RANBP2: variants seen among roughly 807,000 people sequenced by gnomAD.
RANBP2 encodes the protein RAN binding protein 2.
A neutral mutation model predicts 303.6 loss-of-function variants in RANBP2; 57 were observed. The observed-to-expected ratio is 0.19, with a 90% CI of 0.15 to 0.23. The LOEUF is 0.23. RANBP2 is among the 10% of genes least tolerant of loss of function. The pLI, the probability that RANBP2 is intolerant of heterozygous loss-of-function variation, is 1.00. For synonymous variants in RANBP2, 1,167 were observed against 1,301.5 expected, an observed-to-expected ratio of 0.90 and a Z score of 2.23; for missense variants, 3,138 against 3,780.8, an observed-to-expected ratio of 0.83 and a Z score of 4.46.
chr2:109,370,279 A>C, the RANBP2 span, among the ~76,000 whole-genome samples: 1 of 147,264 alleles, frequency 6.8e-6, no homozygotes, highest in African/African-American at 2.5e-5. Flanking sequence ...TCACTCTGTC[A>C]CCCTGGCTGG....
At chr2:109,640,209 G>C in the RANBP2 span, among the ~76,000 whole-genome samples, 1 of 151,254 alleles carries the variant, frequency 6.6e-6, no homozygotes, top group African/African-American at 2.4e-5. Flanking sequence ...TCCCAGCACT[G>C]TGGAGGCCAA....
chr2:108,972,016 C>T, the RANBP2 span, among the ~76,000 whole-genome samples: 1 of 152,198 alleles, frequency 6.6e-6, no homozygotes, highest in African/African-American at 2.4e-5. Flanking sequence ...ACTTGCGAGG[C>T]CTCTGGATGT....
the RANBP2 span, among the ~76,000 whole-genome samples, chr2:109,132,888 T>C: frequency 6.6e-6 from 1 of 152,240 alleles, no homozygotes; most frequent in Non-Finnish European, 1.5e-5. Flanking sequence ...CATTGAGTAA[T>C]TCAAAACATG....
At chr2:109,345,098 C>A in the RANBP2 span, among the ~76,000 whole-genome samples, 1 of 152,182 alleles carries the variant, frequency 6.6e-6, no homozygotes, top group African/African-American at 2.4e-5. Flanking sequence ...GTGTGTCTCG[C>A]AGTGTCTCTG....
the RANBP2 span, among the ~76,000 whole-genome samples, chr2:109,211,304 T>G: frequency 6.6e-6 from 1 of 152,242 alleles, no homozygotes; most frequent in Non-Finnish European, 1.5e-5. Context: ...GTTACAAGCC[T>G]GGATTTTGTT....
chr2:109,140,145 A>G, the RANBP2 span, among the ~76,000 whole-genome samples: 1 of 151,864 alleles, frequency 6.6e-6, no homozygotes, highest in African/African-American at 2.4e-5. Flanking sequence ...CTGCACCATC[A>G]CTGTCACTTC....
At chr2:109,265,849 G>T in the RANBP2 span, among the ~76,000 whole-genome samples, 2 of 152,228 alleles carry the variant, frequency 1.3e-5, no homozygotes, top group African/African-American at 4.8e-5. Flanking sequence ...GGTCAAGGGG[G>T]TGGACACCAC....
At chr2:109,070,951 T>C in the RANBP2 span, among the ~76,000 whole-genome samples, 11 of 152,140 alleles carry the variant, frequency 7.2e-5, no homozygotes, top group African/African-American at 2.7e-4. Flanking sequence ...TCCTTCATCT[T>C]CCACCATTAT....
chr2:109,426,027 A>G, the RANBP2 span, among the ~76,000 whole-genome samples: 2 of 152,124 alleles, frequency 1.3e-5, no homozygotes, highest in African/African-American at 4.8e-5. Flanking sequence ...CCTTCCCGGT[A>G]GCTGGGATTA....
At chr2:109,357,652 G>C in the RANBP2 span, among the ~76,000 whole-genome samples, 1 of 152,138 alleles carries the variant, frequency 6.6e-6, no homozygotes, top group Non-Finnish European at 1.5e-5. Flanking sequence ...GTCCAACTTT[G>C]TTTTCTCTCA....
the RANBP2 span, among the ~76,000 whole-genome samples, chr2:108,864,889 A>C: frequency 1.3e-5 from 2 of 151,862 alleles, no homozygotes; most frequent in African/African-American, 4.8e-5. Context: ...TGAGCCCTGG[A>C]GTTCAACGTT....
the RANBP2 span, among the ~76,000 whole-genome samples, chr2:109,422,534 A>G: frequency 7.2e-5 from 11 of 152,116 alleles, no homozygotes; most frequent in Admixed American, 5.2e-4. Context: ...CAGTTTGCTC[A>G]CCCAGTGCAT....
the RANBP2 span, among the ~76,000 whole-genome samples, chr2:109,143,726 C>T: frequency 6.6e-6 from 1 of 151,958 alleles, no homozygotes; most frequent in Non-Finnish European, 1.5e-5. Flanking sequence ...TGCACTCCAG[C>T]CTGGGCAACA....
At chr2:108,727,885 G>T (rs1573692557) in intron 1 of RANBP2, among the ~76,000 whole-genome samples, 1 of 152,278 alleles carries the variant, frequency 6.6e-6, no homozygotes, top group African/African-American at 2.4e-5. Flanking sequence ...TTACAGGTGT[G>T]AGCCACCGCA....
chr2:109,404,248 G>T, the RANBP2 span, among the ~76,000 whole-genome samples: 1 of 152,300 alleles, frequency 6.6e-6, no homozygotes, highest in African/African-American at 2.4e-5. Context: ...CAAGCTCTTT[G>T]CAGGAAAGGG....
the RANBP2 span, among the ~76,000 whole-genome samples, chr2:109,385,061 T>C: frequency 6.6e-6 from 1 of 152,238 alleles, no homozygotes; most frequent in Non-Finnish European, 1.5e-5. Context: ...CCCGGCATGC[T>C]GGCCTTCCTC....
chr2:108,825,362 T>G, the RANBP2 span, among the ~76,000 whole-genome samples: 1 of 152,144 alleles, frequency 6.6e-6, no homozygotes, highest in Non-Finnish European at 1.5e-5. Flanking sequence ...TCAGTGTTTT[T>G]TTTTCTTTAT....
the RANBP2 span, among the ~76,000 whole-genome samples, chr2:109,606,775 G>T: frequency 2.1e-5 from 3 of 140,594 alleles, no homozygotes; most frequent in African/African-American, 8.0e-5. Context: ...CGTCTCGCAG[G>T]TTCAAGCGAT....
At chr2:108,777,814 C>T (rs1416590540) in intron 25 of RANBP2, among the ~76,000 whole-genome samples, 1 of 152,020 alleles carries the variant, frequency 6.6e-6, no homozygotes, top group Non-Finnish European at 1.5e-5. Context: ...TAATATCTTT[C>T]ACATTGCTCT....
Sources: allele counts gnomAD v4.1 joint callset (sites outside exome capture counted in the v4.1 genomes callset), GRCh38; gene constraint gnomAD v4.1.1; transcripts MANE v1.5; gene names NCBI Gene and HGNC (gene_info 2026-07-23, HGNC 2026-07-21).